The following DISC1 variants were observed in gnomAD, a reference collection of about 807,000 sequenced individuals.
DISC1 encodes disrupted in schizophrenia 1 protein.
In DISC1, 57 loss-of-function variants were observed where a neutral mutation model predicts 84.5. The observed-to-expected ratio is 0.67, with a 90% CI of 0.55 to 0.84. The LOEUF (loss-of-function observed/expected upper bound fraction) is 0.84, where lower values mean the gene tolerates loss of function less well. DISC1 is among the 40% of genes least tolerant of loss of function. The probability of loss-of-function intolerance (pLI) is 0.00; values close to 1 mark genes in which losing one functional copy is unlikely to be tolerated. For missense variants in DISC1, 1,000 were observed against 1,057.8 expected (o/e 0.95, Z 0.76); for synonymous variants, 411 against 415.2 (o/e 0.99, Z 0.12).
Position 231,768,735 on chromosome 1 carries a change from T to C in DISC1, c.1398+1466T>C, listed in dbSNP as rs2076340769. The stretch of plus-strand genomic sequence containing the variant: ...TCCACTAGGGGTGAGAATGGGGAGA[T>C]AGACAATAAGTGATAAACATAATAA... On this transcript the variant is annotated intron_variant, in intron 5 of 12. Transcript: ENST00000439617. Among the ~76,000 whole-genome samples the C allele has an allele frequency of 2.0e-5, 3 of 152,130 alleles. No individual in the cohort carries two copies. The South Asian group carries it at 6.2e-4, about 32-fold the overall frequency.
At chr1:231,982,704 G>A (rs1663789636) in intron 10 of DISC1, among the ~76,000 whole-genome samples, 1 of 152,172 alleles carries the variant, frequency 6.6e-6, no homozygotes, top group Non-Finnish European at 1.5e-5. Flanking sequence ...TGTCAGCCAT[G>A]TGAAGATCTG....
chr1:231,774,350 T>C (rs1328490644), intron 6 of DISC1, among the ~76,000 whole-genome samples: 1 of 152,154 alleles, frequency 6.6e-6, no homozygotes, highest in African/African-American at 2.4e-5. Context: ...GACAATCTAA[T>C]GACTAGTTAA....
chr1:231,886,796 T>TTTCTTTCC (rs2086767473), intron 9 of DISC1, among the ~76,000 whole-genome samples: 3 of 140,778 alleles, frequency 2.1e-5, no homozygotes, highest in African/African-American at 8.4e-5. Flanking sequence ...TCTTTCTTTC[T>TTTCTTTCC]TTCTTTCTTT....
At position 232,036,858 on chromosome 1, in the gene DISC1, G is replaced by A. The variant is rs1347677066; in HGVS notation, c.*27G>A. On this transcript the variant is annotated 3_prime_UTR_variant, in exon 13 of 13. Coordinates refer to ENST00000439617, the MANE Select transcript of DISC1 (RefSeq NM_018662.3). The stretch of plus-strand genomic sequence containing the variant: ...GAGTGACGGGATGGGGGAGGGAGGT[G>A]GGCCACCATGTTTGGACCCGGGGGG... The A allele has an allele frequency of 1.3e-6, 2 of 1,513,182 alleles. No homozygotes were observed. The highest frequency in any genetic ancestry group is 9.0e-7 in the Non-Finnish European group (1 of 1,116,066). The allele number at this position is 1,513,182 out of a possible 1,614,324, so 93.7% of individuals were successfully genotyped here.
chr1:231,729,605 G>T (rs2071240449), intron 3 of DISC1, among the ~76,000 whole-genome samples: 1 of 151,884 alleles, frequency 6.6e-6, no homozygotes. Flanking sequence ...ATTCTGCTTT[G>T]TTCCAAGAAA....
chr1:231,748,218 G>A (rs138684361), intron 3 of DISC1, among the ~76,000 whole-genome samples: 2 of 152,308 alleles, frequency 1.3e-5, no homozygotes, highest in Admixed American at 6.5e-5. Context: ...CAATTTGAAT[G>A]TCTTTTATTT....
rs143500026 is a variant in DISC1, at chr1:231,770,997, A to T, written c.1561A>T (p.Lys521Ter). The change falls in exon 6 of 13, where the codon AAG becomes TAG. Residue 521 changes from lysine to a stop codon, truncating the protein, a stop_gained. Coordinates refer to ENST00000439617, the MANE Select transcript of DISC1 (RefSeq NM_018662.3). LOFTEE classifies it high-confidence loss of function. ...LSLGQLQEVSKALQDTLASAG... is the reference protein window; with the variant it reads ...LSLGQLQEVS ...CCTGGGTCAGCTGCAGGAGGTCAGC[A>T]AGGCCTTGCAGGACACCCTGGCCTC... is the stretch of plus-strand genomic sequence containing the variant. The T allele has an allele frequency of 8.1e-6, 13 of 1,613,268 alleles. No individual in the cohort carries two copies. In the Admixed American group the frequency reaches 8.4e-5, roughly 10 times the overall value.
intron 10 of DISC1, among the ~76,000 whole-genome samples, chr1:231,969,571 C>T (rs1661628296): frequency 6.8e-6 from 1 of 147,824 alleles, no homozygotes; most frequent in Non-Finnish European, 1.5e-5. Flanking sequence ...TGAAGATACT[C>T]CAATATACTT....
chr1:231,975,309 A>G (rs1662638103), intron 10 of DISC1, among the ~76,000 whole-genome samples: 1 of 152,220 alleles, frequency 6.6e-6, no homozygotes, highest in East Asian at 1.9e-4. Context: ...TCTAAAAGAC[A>G]AAAAATAACA....
intron 12 of DISC1, 50 bp from the exon 13 acceptor site, chr1:232,036,642 C>T (rs1238341837): frequency 1.2e-5 from 17 of 1,476,626 alleles, no homozygotes; most frequent in African/African-American, 2.8e-5. Flanking sequence ...CCTCGGAGGC[C>T]GCAGAGGGCC....
chr1:232,000,086 CAAGG>C (rs1666485781), intron 10 of DISC1, among the ~76,000 whole-genome samples: 1 of 151,932 alleles, frequency 6.6e-6, no homozygotes, highest in Admixed American at 6.6e-5. Flanking sequence ...TAACAAAAAC[CAAGG>C]ATATCACAGC....
intron 1 of DISC1, among the ~76,000 whole-genome samples, chr1:231,655,170 T>C (rs115986048): frequency 0.03 from 4,510 of 152,334 alleles, 219 homozygotes; most frequent in African/African-American, 0.1. Context: ...ATGAATGGTA[T>C]AGTCCTGAAG....
intron 1 of DISC1, among the ~76,000 whole-genome samples, chr1:231,676,543 AC>A (rs2063172884): frequency 6.6e-6 from 1 of 152,240 alleles, no homozygotes; most frequent in Non-Finnish European, 1.5e-5. Flanking sequence ...CTTAAGAAAT[AC>A]TATTGTCTTT....
rs928520304 is a variant in DISC1, at chr1:231,875,201, A to G, written c.1981+56684A>G. Reference sequence around the variant, plus strand: ...TATTAAGCTGTAATGTTTGGAGTAGATGATCCAGGATGCTATGGTCAGTGA... The same window carrying G: ...TATTAAGCTGTAATGTTTGGAGTAGGTGATCCAGGATGCTATGGTCAGTGA... On this transcript the variant is annotated intron_variant, in intron 9 of 12. Transcript: ENST00000439617. Among the ~76,000 whole-genome samples the G allele has an allele frequency of 7.2e-5, 11 of 152,312 alleles. No individual in the cohort carries two copies. The East Asian group carries it at 1.5e-3, about 21-fold the overall frequency.
At chr1:231,907,860 C>A (rs538626547) in intron 9 of DISC1, among the ~76,000 whole-genome samples, 1 of 152,092 alleles carries the variant, frequency 6.6e-6, no homozygotes, top group African/African-American at 2.4e-5. Flanking sequence ...TTTTAATGAT[C>A]GCCATTCTAA....
At chr1:231,702,069 A>G (rs376717795) in intron 3 of DISC1, 45 bp downstream of exon 3, 2 of 1,585,324 alleles carry the variant, frequency 1.3e-6, no homozygotes, top group Non-Finnish European at 8.6e-7. Flanking sequence ...TCATGTCCCA[A>G]TTTTCTTTCC....
intron 1 of DISC1, among the ~76,000 whole-genome samples, chr1:231,667,981 G>A (rs1433831987): frequency 6.6e-6 from 1 of 151,780 alleles, no homozygotes; most frequent in Admixed American, 6.6e-5. Flanking sequence ...ACTTGAACCT[G>A]GGAGATGGAG....
intron 1 of DISC1, among the ~76,000 whole-genome samples, chr1:231,649,680 G>A (rs564517237): frequency 3.3e-5 from 5 of 152,284 alleles, no homozygotes; most frequent in African/African-American, 9.6e-5. Context: ...CATTATTATT[G>A]TGTGGGAGTC....
In DISC1 at chr1:231,694,196, G is replaced by T. The variant is rs2065374985; in HGVS notation, c.438G>T (p.Glu146Asp). 6.2e-7 allele frequency: 1 copy of T among 1,614,212 alleles called. No individual in the cohort carries two copies. The highest frequency in any genetic ancestry group is 8.5e-7 in the Non-Finnish European group (1 of 1,180,042). The stretch of plus-strand genomic sequence containing the variant: ...CTGGGAGTGCTGGGTGGCAGCAAGA[G>T]TTTGCAGCCATGGATAGTTCTGAGA... The part of the protein sequence containing the change: ...CGPGSAGWQQ[E>D]FAAMDSSETL... Residue 146 changes from glutamate (E) to aspartate (D), a missense_variant, in exon 2 of 13, where the codon GAG becomes GAT. Glu to Asp is a conservative substitution (Grantham distance 45). This residue lies in a region of DISC1 where 292 missense variants were observed against 280.2 expected (regional missense o/e 1.04). Transcript: ENST00000439617.
Sources: allele counts gnomAD v4.1 joint callset (sites outside exome capture counted in the v4.1 genomes callset), GRCh38; gene constraint gnomAD v4.1.1; regional missense constraint gnomAD v4.1.1; transcripts MANE v1.5; gene names NCBI Gene and HGNC (gene_info 2026-07-23, HGNC 2026-07-21).